CIMIP2C: variants seen among roughly 807,000 people sequenced by gnomAD.
The protein encoded by CIMIP2C is ciliary microtubule inner protein 2C.
the CIMIP2C span, chr2:26,579,198 T>C: frequency 6.8e-7 from 1 of 1,475,596 alleles, no homozygotes; most frequent in African/African-American, 1.4e-5. Context: ...GCAGGTCAGC[T>C]TGAGCTGGAA....
chr2:26,566,783 G>A, the CIMIP2C span, among the ~76,000 whole-genome samples: 9 of 152,164 alleles, frequency 5.9e-5, no homozygotes, highest in Admixed American at 3.9e-4. Context: ...GCAGTGGCAC[G>A]ATCACAGCTC....
chr2:26,576,277 CCA>C, the CIMIP2C span: 15 of 1,331,884 alleles, frequency 1.1e-5, no homozygotes, highest in Non-Finnish European at 1.5e-5. Context: ...CTCGCACCTG[CCA>C]CAGTGTCTTG....
the CIMIP2C span, chr2:26,575,802 G>T: frequency 7.1e-7 from 1 of 1,414,982 alleles, no homozygotes; most frequent in South Asian, 1.4e-5. Flanking sequence ...GGGATTACAG[G>T]CATGAGCCAC....
chr2:26,573,774 T>C, the CIMIP2C span, among the ~76,000 whole-genome samples: 9 of 152,174 alleles, frequency 5.9e-5, no homozygotes. Flanking sequence ...ATGTGAGTAG[T>C]GAGGCTGGAG....
At chr2:26,565,151 G>T in the CIMIP2C span, among the ~76,000 whole-genome samples, 3 of 148,990 alleles carry the variant, frequency 2.0e-5, no homozygotes, top group East Asian at 6.0e-4. Flanking sequence ...GTGCAATGGC[G>T]CAATCTCGGC....
the CIMIP2C span, chr2:26,572,286 C>T: frequency 1.2e-6 from 1 of 841,266 alleles, no homozygotes; most frequent in Non-Finnish European, 1.7e-6. Flanking sequence ...CCTGGTTCTG[C>T]ACTTCAATAG....
the CIMIP2C span, among the ~76,000 whole-genome samples, chr2:26,564,897 G>C: frequency 6.6e-6 from 1 of 152,170 alleles, no homozygotes; most frequent in East Asian, 1.9e-4. Context: ...TGAGCCCCAC[G>C]CTGGTGATTG....
At chr2:26,567,765 T>C in the CIMIP2C span, among the ~76,000 whole-genome samples, 1 of 152,192 alleles carries the variant, frequency 6.6e-6, no homozygotes, top group Non-Finnish European at 1.5e-5. Context: ...TAGAATCTCC[T>C]GGGGAGCTTT....
the CIMIP2C span, among the ~76,000 whole-genome samples, chr2:26,572,953 T>C: frequency 6.6e-6 from 1 of 152,252 alleles, no homozygotes; most frequent in South Asian, 2.1e-4. Flanking sequence ...TTATTGAATC[T>C]ATATCTTGAT....
At chr2:26,570,380 C>T in the CIMIP2C span, among the ~76,000 whole-genome samples, 1 of 152,214 alleles carries the variant, frequency 6.6e-6, no homozygotes, top group Admixed American at 6.5e-5. Flanking sequence ...GCATGGTGCC[C>T]CCAGAGTTTC....
At chr2:26,562,992 C>G in the CIMIP2C span, 1 of 425,330 alleles carries the variant, frequency 2.4e-6, no homozygotes, top group Non-Finnish European at 4.2e-6. Flanking sequence ...GATGGAGCCA[C>G]GTGGGGTTTA....
At chr2:26,564,544 C>T in the CIMIP2C span, among the ~76,000 whole-genome samples, 1 of 152,226 alleles carries the variant, frequency 6.6e-6, no homozygotes, top group African/African-American at 2.4e-5. Flanking sequence ...TCATCTAGAT[C>T]TTTCTGGAAG....
At chr2:26,576,635 C>T in the CIMIP2C span, among the ~76,000 whole-genome samples, 1 of 152,344 alleles carries the variant, frequency 6.6e-6, no homozygotes, top group South Asian at 2.1e-4. Flanking sequence ...CATTTATCCA[C>T]CTGTGTCCTG....
chr2:26,579,482 C>A, the CIMIP2C span: 2 of 1,598,018 alleles, frequency 1.3e-6, no homozygotes, highest in South Asian at 2.2e-5. Flanking sequence ...GATCCTGGGT[C>A]GTGACCAGCC....
chr2:26,573,705 G>C, the CIMIP2C span, among the ~76,000 whole-genome samples: 5 of 151,678 alleles, frequency 3.3e-5, no homozygotes, highest in Non-Finnish European at 5.9e-5. Flanking sequence ...AGGTGGTGGA[G>C]AAGAGTCAGG....
At chr2:26,573,226 A>G in the CIMIP2C span, among the ~76,000 whole-genome samples, 2 of 152,172 alleles carry the variant, frequency 1.3e-5, no homozygotes, top group South Asian at 4.1e-4. Flanking sequence ...GATGCAGCGT[A>G]TTCCTTAGTG....
At chr2:26,570,447 CAAGGATA>C in the CIMIP2C span, among the ~76,000 whole-genome samples, 1 of 152,166 alleles carries the variant, frequency 6.6e-6, no homozygotes, top group Non-Finnish European at 1.5e-5. Context: ...TGCCAGGTGC[CAAGGATA>C]AAGGAGAACA....
At chr2:26,562,819 G>A in the CIMIP2C span, 3 of 772,176 alleles carry the variant, frequency 3.9e-6, no homozygotes, top group Non-Finnish European at 6.6e-6. Flanking sequence ...CCGACGGGGC[G>A]AGGGGCCTTC....
chr2:26,568,624 G>A, the CIMIP2C span, among the ~76,000 whole-genome samples: 22 of 152,250 alleles, frequency 1.4e-4, no homozygotes, highest in African/African-American at 5.3e-4. Context: ...TCCACTGGGT[G>A]CAGAGAATGC....
Sources: gnomAD v4.1 joint callset for allele counts (sites outside exome capture counted in the v4.1 genomes callset) on GRCh38, gnomAD v4.1.1 for gene constraint, MANE v1.5 for transcripts, NCBI Gene and HGNC (gene_info 2026-07-23, HGNC 2026-07-21) for gene names.